The following NRXN1 variants were observed in gnomAD, a reference collection of about 807,000 sequenced individuals.
The protein encoded by NRXN1 is neurexin 1.
Under a neutral mutation model 150.9 loss-of-function variants are expected in NRXN1, and 39 were observed. The observed-to-expected ratio is 0.26, with a 90% CI of 0.20 to 0.34. The LOEUF is 0.34. NRXN1 is among the 10% of genes least tolerant of loss of function. NRXN1 has a pLI of 1.00. For synonymous variants in NRXN1, 924 were observed against 757.0 expected (o/e 1.22, Z -3.62); for missense variants, 1,815 against 1,949.9 (o/e 0.93, Z 1.30).
At chr2:50,537,904 G>A (rs1027807497) in intron 10 of NRXN1, among the ~76,000 whole-genome samples, 9 of 152,130 alleles carry the variant, frequency 5.9e-5, no homozygotes, top group African/African-American at 1.9e-4. Context: ...CCATAGGTAT[G>A]TATAATTCAT....
chr2:49,996,306 A>G (rs966544137), intron 21 of NRXN1, among the ~76,000 whole-genome samples: 1 of 152,134 alleles, frequency 6.6e-6, no homozygotes, highest in Non-Finnish European at 1.5e-5. Flanking sequence ...GTAGAAGAAC[A>G]TTTTCTTTGA....
chr2:49,977,281 AC>A (rs138004761), intron 21 of NRXN1, among the ~76,000 whole-genome samples: 3,725 of 152,158 alleles, frequency 0.024, 98 homozygotes, highest in African/African-American at 0.058. Flanking sequence ...GCTCCATCCC[AC>A]CCCCCAGGGA....
At chr2:49,996,619 CAG>C (rs1002883290) in intron 21 of NRXN1, among the ~76,000 whole-genome samples, 11 of 152,180 alleles carry the variant, frequency 7.2e-5, no homozygotes, top group African/African-American at 2.6e-4. Context: ...GAATCAGAGT[CAG>C]AGAGAGAGCT....
chr2:50,769,460 C>T (rs1483559163), intron 5 of NRXN1, among the ~76,000 whole-genome samples: 1 of 152,066 alleles, frequency 6.6e-6, no homozygotes, highest in Non-Finnish European at 1.5e-5. Flanking sequence ...AGAGGATAAA[C>T]TCAGTCAAAA....
intron 17 of NRXN1, among the ~76,000 whole-genome samples, chr2:50,277,747 GTGTCTGTT>G (rs1401273819): frequency 6.6e-6 from 1 of 152,024 alleles, no homozygotes; most frequent in East Asian, 1.9e-4. Context: ...ACAGTGCTTT[GTGTCTGTT>G]TATACAATTC....
At chr2:50,432,342 A>T (rs2085040291) in intron 17 of NRXN1, 1 of 152,108 alleles carries the variant, frequency 6.6e-6, no homozygotes. Context: ...GCATTTTCTT[A>T]TCAACTAATC....
rs1485395054 is a variant in NRXN1 at position 50,598,764 on chromosome 2, G to C, written c.1320+21258C>G. Among the ~76,000 whole-genome samples the C allele has an allele frequency of 2.0e-5, 3 of 146,554 alleles. No individual in the cohort carries two copies. In the East Asian group the frequency reaches 6.0e-4, roughly 30 times the overall value. On this transcript the variant is annotated intron_variant, in intron 8 of 22. Transcript: ENST00000401669. Reference sequence around the variant, plus strand: ...TATATATATATTTTATTTTTGTTTTGTTTCGTTTTTTGAGACAGAGTCTCT... The same window carrying C: ...TATATATATATTTTATTTTTGTTTTCTTTCGTTTTTTGAGACAGAGTCTCT...
At chr2:50,134,882 G>T (rs2152751562) in intron 18 of NRXN1, among the ~76,000 whole-genome samples, 1 of 152,230 alleles carries the variant, frequency 6.6e-6, no homozygotes, top group African/African-American at 2.4e-5. Flanking sequence ...ATACCTGGCA[G>T]GTAATTGCTT....
At position 50,780,763 on chromosome 2, in the gene NRXN1, C is replaced by CT. The variant is rs536871886; in HGVS notation, c.832+141105dup. ...CATTTAAAAATTTGTTTATTAACCA[C>CT]TTTTTTATATGATATGAAATGACTA... On this transcript the variant is annotated intron_variant, in intron 5 of 22. Transcript: ENST00000401669. 1.3e-3 allele frequency among the ~76,000 whole-genome samples: 196 copies of CT among 152,164 alleles called. 2 individuals are homozygous for CT. The highest frequency in any genetic ancestry group is 4.4e-3 in the African/African-American group (181 of 41,532).
intron 15 of NRXN1, among the ~76,000 whole-genome samples, chr2:50,492,803 CA>C (rs1411089310): frequency 1.3e-5 from 2 of 152,132 alleles, no homozygotes; most frequent in African/African-American, 4.8e-5. Flanking sequence ...GAAATAAAAG[CA>C]AAACCAGGAT....
At chr2:50,494,624 T>G (rs1311781769) in intron 15 of NRXN1, among the ~76,000 whole-genome samples, 1 of 152,186 alleles carries the variant, frequency 6.6e-6, no homozygotes, top group African/African-American at 2.4e-5. Context: ...ACCACACATT[T>G]TATATGTTGA....
intron 5 of NRXN1, among the ~76,000 whole-genome samples, chr2:50,719,081 A>C (rs1696266026): frequency 6.6e-6 from 1 of 151,534 alleles, no homozygotes; most frequent in Non-Finnish European, 1.5e-5. Flanking sequence ...ATGCACTAAA[A>C]CACATTCAAA....
At chr2:50,482,618 GC>G (rs1190969242) in intron 15 of NRXN1, among the ~76,000 whole-genome samples, 3 of 152,114 alleles carry the variant, frequency 2.0e-5, no homozygotes, top group African/African-American at 4.8e-5. Context: ...TTTGAAAGGT[GC>G]TTTTTTCAGA....
intron 18 of NRXN1, among the ~76,000 whole-genome samples, chr2:50,230,086 A>G (rs575530159): frequency 6.6e-6 from 1 of 152,120 alleles, no homozygotes; most frequent in East Asian, 1.9e-4. Context: ...ATGTCCTAGG[A>G]ATTGTTTCTG....
intron 21 of NRXN1, among the ~76,000 whole-genome samples, chr2:49,985,593 GT>G (rs1172444892): frequency 6.6e-6 from 1 of 152,182 alleles, no homozygotes; most frequent in Non-Finnish European, 1.5e-5. Flanking sequence ...TGTGCACTGA[GT>G]TTAGTCACTT....
intron 18 of NRXN1, among the ~76,000 whole-genome samples, chr2:50,224,068 T>C (rs1283533212): frequency 6.6e-6 from 1 of 152,010 alleles, no homozygotes; most frequent in Admixed American, 6.6e-5. Context: ...TGTTGTTATT[T>C]AGTGCATTCA....
chr2:50,879,727 T>C (rs923345986), intron 5 of NRXN1, among the ~76,000 whole-genome samples: 3 of 151,934 alleles, frequency 2.0e-5, no homozygotes, highest in Non-Finnish European at 4.4e-5. Flanking sequence ...ATTCTCTCTT[T>C]CCACCTCTGT....
intron 3 of NRXN1, among the ~76,000 whole-genome samples, chr2:50,924,216 G>A (rs143481842): frequency 2.0e-5 from 3 of 151,808 alleles, no homozygotes; most frequent in African/African-American, 7.2e-5. Context: ...CGGTTTTGAT[G>A]CTACATCAAT....
intron 18 of NRXN1, among the ~76,000 whole-genome samples, chr2:50,097,367 G>A (rs1034936994): frequency 1.3e-5 from 2 of 152,130 alleles, no homozygotes; most frequent in Non-Finnish European, 2.9e-5. Context: ...GTCTTTAAAT[G>A]CTCTCTCTAT....
Sources: gnomAD v4.1 joint callset for allele counts (sites outside exome capture counted in the v4.1 genomes callset) on GRCh38, gnomAD v4.1.1 for gene constraint, MANE v1.5 for transcripts, NCBI Gene and HGNC (gene_info 2026-07-23, HGNC 2026-07-21) for gene names.